The following OPCML variants were observed in gnomAD, a reference collection of about 807,000 sequenced individuals.
OPCML encodes opioid-binding protein/cell adhesion molecule.
A neutral mutation model predicts 37.8 loss-of-function variants in OPCML; 13 were observed. That is an observed-to-expected ratio of 0.34 (90% CI 0.22 to 0.55). The LOEUF (loss-of-function observed/expected upper bound fraction) is 0.55, where lower values mean the gene tolerates loss of function less well. OPCML is among the 20% of genes least tolerant of loss of function. The pLI, the probability that OPCML is intolerant of heterozygous loss-of-function variation, is 0.91. For missense variants in OPCML, 341 were observed against 435.6 expected (o/e 0.78, Z 1.93); for synonymous variants, 176 against 168.8 (o/e 1.04, Z -0.33).
chr11:133,334,824 G>C (rs1007521952), intron 1 of OPCML, among the ~76,000 whole-genome samples: 1 of 152,114 alleles, frequency 6.6e-6, no homozygotes, highest in East Asian at 1.9e-4. Flanking sequence ...ATCTCCATGG[G>C]AGAGGGTTTG....
At chr11:133,410,262 A>G (rs1945616854) in intron 1 of OPCML, among the ~76,000 whole-genome samples, 2 of 152,158 alleles carry the variant, frequency 1.3e-5, no homozygotes, top group Admixed American at 1.3e-4. Context: ...GTTGGTTGGC[A>G]TCAAGATTCC....
At chr11:133,287,403 C>A (rs1433337559) in intron 1 of OPCML, among the ~76,000 whole-genome samples, 1 of 150,100 alleles carries the variant, frequency 6.7e-6, no homozygotes. Flanking sequence ...TGAGCCGAAA[C>A]AAGTGGGCAA....
At chr11:132,750,681 A>C (rs1268014030) in intron 2 of OPCML, among the ~76,000 whole-genome samples, 4 of 152,228 alleles carry the variant, frequency 2.6e-5, no homozygotes, top group Non-Finnish European at 1.5e-5. Context: ...AAATCCACGT[A>C]CGATATTTTA....
Position 132,835,273 on chromosome 11 carries a change from C to T in OPCML, c.146+107653G>A, listed in dbSNP as rs550603830. On this transcript the variant is annotated intron_variant, in intron 2 of 7. Transcript: ENST00000524381. ...CTCAGGAGAGCAGACTGTAGATCAG[C>T]AGACTGCTGCGGAAGTGTGGGGTTA... Among the ~76,000 whole-genome samples, 60 of 152,334 alleles carry T rather than the reference C, an allele frequency of 3.9e-4. 1 individual carries two copies. The highest frequency in any genetic ancestry group is 6.2e-4 in the Non-Finnish European group (42 of 68,034).
chr11:132,831,644 C>T (rs559748895), intron 2 of OPCML, among the ~76,000 whole-genome samples: 19 of 152,164 alleles, frequency 1.2e-4, no homozygotes, highest in African/African-American at 4.6e-4. Flanking sequence ...CAGGAATGAC[C>T]ACTCGAGACA....
chr11:133,102,739 G>C lies in OPCML; in HGVS notation c.62-159729C>G, dbSNP rs560584822. The stretch of plus-strand genomic sequence containing the variant: ...CACTCCAGCCTGGGTGATAGAGCAA[G>C]ACTCCATCTCAAAAACACAAAAACA... On this transcript the variant is annotated intron_variant, in intron 1 of 7. Coordinates refer to ENST00000524381, the MANE Select transcript of OPCML (RefSeq NM_001012393.5). Among the ~76,000 whole-genome samples the C allele has an allele frequency of 5.3e-5, 8 of 152,154 alleles. No individual in the cohort carries two copies. In the South Asian group the frequency reaches 1.7e-3, roughly 32 times the overall value.
At chr11:132,688,479 G>A (rs1046852629) in intron 2 of OPCML, among the ~76,000 whole-genome samples, 1 of 152,162 alleles carries the variant, frequency 6.6e-6, no homozygotes, top group Non-Finnish European at 1.5e-5. Flanking sequence ...GATATTGGAT[G>A]TGGTGGTTGC....
intron 2 of OPCML, among the ~76,000 whole-genome samples, chr11:132,730,967 A>T (rs3016394): frequency 0.33 from 49,521 of 152,004 alleles, 8,160 homozygotes; most frequent in Middle Eastern, 0.38. Context: ...TTGATGTAAG[A>T]AAAAGGTATG....
chr11:133,448,546 C>T (rs1946516754), intron 1 of OPCML, among the ~76,000 whole-genome samples: 1 of 152,320 alleles, frequency 6.6e-6, no homozygotes, highest in South Asian at 2.1e-4. Flanking sequence ...CAACCTCCAC[C>T]TCCCGGGTTC....
chr11:133,171,534 GGAT>G (rs1950288969), intron 1 of OPCML, among the ~76,000 whole-genome samples: 1 of 152,188 alleles, frequency 6.6e-6, no homozygotes, highest in Non-Finnish European at 1.5e-5. Flanking sequence ...GATGCCAAGA[GGAT>G]GAGGAAAATG....
intron 2 of OPCML, among the ~76,000 whole-genome samples, chr11:132,840,690 G>A (rs1941249109): frequency 6.6e-6 from 1 of 152,180 alleles, no homozygotes; most frequent in Admixed American, 6.5e-5. Flanking sequence ...TAAATGCTCA[G>A]GAAATTACAC....
At chr11:132,576,525 G>T (rs2137600254) in intron 3 of OPCML, among the ~76,000 whole-genome samples, 1 of 152,014 alleles carries the variant, frequency 6.6e-6, no homozygotes, top group South Asian at 2.1e-4. Flanking sequence ...TTGTCACCTT[G>T]TTCATCCATT....
intron 1 of OPCML, chr11:133,026,375 C>T (rs1192211244): frequency 1.0e-6 from 1 of 984,988 alleles, no homozygotes; most frequent in African/African-American, 1.7e-5. Flanking sequence ...GGGTGGTGGT[C>T]TGATTGACGA....
At chr11:132,654,392 C>T (rs1486227797) in intron 3 of OPCML, among the ~76,000 whole-genome samples, 3 of 151,778 alleles carry the variant, frequency 2.0e-5, no homozygotes, top group Non-Finnish European at 2.9e-5. Flanking sequence ...AACTCCTCCC[C>T]AAGAGAAGAT....
intron 1 of OPCML, among the ~76,000 whole-genome samples, chr11:133,062,829 G>A (rs1948373455): frequency 6.6e-6 from 1 of 152,226 alleles, no homozygotes; most frequent in African/African-American, 2.4e-5. Flanking sequence ...CTGAGCCTCT[G>A]CCTTGCCAAG....
intron 1 of OPCML, among the ~76,000 whole-genome samples, chr11:133,408,058 G>C (rs1169016372): frequency 6.6e-6 from 1 of 152,026 alleles, no homozygotes; most frequent in East Asian, 1.9e-4. Context: ...TGAAAGCCGT[G>C]ACTTTAAGTG....
chr11:133,385,802 T>C (rs1353132575), intron 1 of OPCML, among the ~76,000 whole-genome samples: 1 of 152,044 alleles, frequency 6.6e-6, no homozygotes, highest in East Asian at 1.9e-4. Context: ...CATATTATAA[T>C]CTCTGTCTTC....
At chr11:132,991,235 C>G (rs1472575627) in intron 1 of OPCML, among the ~76,000 whole-genome samples, 2 of 152,190 alleles carry the variant, frequency 1.3e-5, no homozygotes, top group East Asian at 3.9e-4. Context: ...AACAGGACAT[C>G]AATTTTCATC....
At position 133,458,418 on chromosome 11, in the gene OPCML, A is replaced by G. The variant is rs564353469; in HGVS notation, c.61+73846T>C. Among the ~76,000 whole-genome samples the G allele has an allele frequency of 3.3e-4, 28 of 85,966 alleles. 7 individuals carry two copies. Among genetic ancestry groups the G allele is most frequent in the South Asian group, 7.7e-4 (2 of 2,590 alleles). The allele number at this position is 85,966 out of a possible 152,430, so 56.4% of individuals were successfully genotyped here. On this transcript the variant is annotated intron_variant, in intron 1 of 7. Coordinates refer to ENST00000524381, the MANE Select transcript of OPCML (RefSeq NM_001012393.5). ...TATACACATATATACACGTGTGTGT[A>G]TATATATACACATATATACACGTGT...
Sources: allele counts gnomAD v4.1 joint callset (sites outside exome capture counted in the v4.1 genomes callset), GRCh38; gene constraint gnomAD v4.1.1; transcripts MANE v1.5; gene names NCBI Gene and HGNC (gene_info 2026-07-23, HGNC 2026-07-21).